Variants in VRK2 observed in about 807,000 individuals in gnomAD.
VRK2 encodes VRK serine/threonine kinase 2.
Under a neutral mutation model 57.6 loss-of-function variants are expected in VRK2, and 60 were observed. The observed-to-expected ratio is 1.04, with a 90% CI of 0.85 to 1.29. The LOEUF (loss-of-function observed/expected upper bound fraction) is 1.29, where lower values mean the gene tolerates loss of function less well. Ranked by LOEUF, VRK2 falls within the 50% of genes most tolerant of loss-of-function variation. VRK2 has a pLI of 0.00. For missense variants in VRK2, 705 were observed against 588.1 expected, an observed-to-expected ratio of 1.20 and a Z score of -2.06; for synonymous variants, 231 against 199.2, an observed-to-expected ratio of 1.16 and a Z score of -1.35.
chr2:58,003,930 A>C (rs1368070517), intron 1 of VRK2, among the ~76,000 whole-genome samples: 1 of 152,112 alleles, frequency 6.6e-6, no homozygotes, highest in Non-Finnish European at 1.5e-5. Flanking sequence ...CTATAGATTG[A>C]ATTCTTAGTG....
rs191307719 is a variant in VRK2 at position 58,077,118 on chromosome 2, T to A, written c.137-6971T>A. On this transcript the variant is annotated intron_variant, in intron 2 of 12. Transcript: ENST00000340157. ...AGTTATCATTGTCTCTGTAACTCCC[T>A]TTGGGAAAATTCTTCAATCTTTTTT... Among the ~76,000 whole-genome samples the A allele has an allele frequency of 5.9e-5, 9 of 152,150 alleles. No individual in the cohort carries two copies. The East Asian group carries it at 1.7e-3, about 29-fold the overall frequency.
At chr2:58,076,085 C>G (rs1471984566) in intron 2 of VRK2, among the ~76,000 whole-genome samples, 11 of 149,156 alleles carry the variant, frequency 7.4e-5, no homozygotes, top group Non-Finnish European at 1.5e-4. Flanking sequence ...TTTTTAAGAG[C>G]CTTCTAATAG....
intron 7 of VRK2, among the ~76,000 whole-genome samples, chr2:58,112,407 T>A (rs756995175): frequency 1.3e-5 from 2 of 152,146 alleles, no homozygotes; most frequent in Non-Finnish European, 2.9e-5. Context: ...TAGCCTTCCC[T>A]CCCCCACATC....
intron 7 of VRK2, among the ~76,000 whole-genome samples, chr2:58,095,852 A>G (rs1238192009): frequency 6.6e-6 from 1 of 152,116 alleles, no homozygotes; most frequent in Non-Finnish European, 1.5e-5. Context: ...TGCCTGAAGT[A>G]TTACCCCATT....
At chr2:57,961,940 G>T (rs1329749873) in intron 1 of VRK2, among the ~76,000 whole-genome samples, 1 of 152,092 alleles carries the variant, frequency 6.6e-6, no homozygotes, top group East Asian at 1.9e-4. Context: ...AGCTGGGCAC[G>T]GTGGCAAATG....
At chr2:58,125,475 G>GAGAATGATCAC (rs893488929) in intron 8 of VRK2, among the ~76,000 whole-genome samples, 1 of 152,074 alleles carries the variant, frequency 6.6e-6, no homozygotes, top group African/African-American at 2.4e-5. Context: ...AGACTGAACT[G>GAGAATGATCAC]AGAATGATCA....
chr2:57,974,593 T>C (rs1558520769), intron 1 of VRK2, among the ~76,000 whole-genome samples: 1 of 151,872 alleles, frequency 6.6e-6, no homozygotes, highest in Non-Finnish European at 1.5e-5. Flanking sequence ...ATAGACTCTT[T>C]AGAATTCAGT....
intron 1 of VRK2, among the ~76,000 whole-genome samples, chr2:57,998,482 C>A (rs1002093784): frequency 5.3e-5 from 8 of 152,072 alleles, no homozygotes; most frequent in African/African-American, 1.7e-4. Context: ...ATTTTAATTT[C>A]TTTCCCATGA....
At chr2:57,986,638 TC>T (rs1471131013) in intron 1 of VRK2, among the ~76,000 whole-genome samples, 2 of 144,620 alleles carry the variant, frequency 1.4e-5, no homozygotes, top group Non-Finnish European at 3.0e-5. Context: ...TCACTCTGTC[TC>T]CCAGGCTGGA....
At chr2:58,024,505 G>A (rs1209285277) in intron 1 of VRK2, among the ~76,000 whole-genome samples, 1 of 152,142 alleles carries the variant, frequency 6.6e-6, no homozygotes, top group Non-Finnish European at 1.5e-5. Flanking sequence ...GTTAACAGCA[G>A]TTCATTGAGA....
intron 12 of VRK2, among the ~76,000 whole-genome samples, chr2:58,152,346 T>C (rs1199575281): frequency 6.6e-6 from 1 of 151,908 alleles, no homozygotes; most frequent in African/African-American, 2.4e-5. Flanking sequence ...CTTGACTTAA[T>C]GTGTAAGAAC....
intron 1 of VRK2, among the ~76,000 whole-genome samples, chr2:57,913,106 T>G (rs1229205030): frequency 6.6e-6 from 1 of 152,170 alleles, no homozygotes; most frequent in Non-Finnish European, 1.5e-5. Flanking sequence ...CCATACGGTC[T>G]ATGATATTTT....
At chr2:58,093,349 T>A (rs1191657293) in intron 7 of VRK2, among the ~76,000 whole-genome samples, 1 of 151,860 alleles carries the variant, frequency 6.6e-6, no homozygotes, top group Non-Finnish European at 1.5e-5. Flanking sequence ...TTTTAATGAT[T>A]GCCATTCTAA....
intron 7 of VRK2, among the ~76,000 whole-genome samples, chr2:58,115,027 T>C (rs1457699687): frequency 6.6e-6 from 1 of 152,096 alleles, no homozygotes; most frequent in African/African-American, 2.4e-5. Context: ...GAATAGCAGA[T>C]GGAACACTGA....
intron 2 of VRK2, among the ~76,000 whole-genome samples, chr2:58,071,180 A>G (rs1192899597): frequency 6.6e-6 from 1 of 152,004 alleles, no homozygotes; most frequent in Non-Finnish European, 1.5e-5. Context: ...TTGAGTTTTA[A>G]GAATATTTTG....
At chr2:58,089,604 C>A in intron 6 of VRK2, 27 bp from the exon 7 acceptor site, 2 of 1,449,246 alleles carry the variant, frequency 1.4e-6, no homozygotes, top group Admixed American at 2.0e-5. Context: ...TAGCAGTAAA[C>A]CTTATTTTAT....
chr2:57,925,861 G>A (rs1670514169), intron 1 of VRK2, among the ~76,000 whole-genome samples: 1 of 151,598 alleles, frequency 6.6e-6, no homozygotes, highest in Non-Finnish European at 1.5e-5. Flanking sequence ...ATATAGATGT[G>A]TATAGCTATA....
chr2:57,925,413 T>C (rs1375697451), intron 1 of VRK2, among the ~76,000 whole-genome samples: 2 of 152,158 alleles, frequency 1.3e-5, no homozygotes, highest in South Asian at 2.1e-4. Context: ...GATTTCCTTA[T>C]GATTCAATCT....
At chr2:58,044,112 G>A (rs889434395), upstream of VRK2, among the ~76,000 whole-genome samples, 1 of 152,136 alleles carries the variant, frequency 6.6e-6, no homozygotes, top group South Asian at 2.1e-4. Flanking sequence ...GTGAATTAAG[G>A]GTTGAGGTTT....
Sources: allele counts gnomAD v4.1 joint callset (sites outside exome capture counted in the v4.1 genomes callset), GRCh38; gene constraint gnomAD v4.1.1; transcripts MANE v1.5; gene names NCBI Gene and HGNC (gene_info 2026-07-23, HGNC 2026-07-21).